The following TRABD2B variants were observed in gnomAD, a reference collection of about 807,000 sequenced individuals.
TRABD2B encodes metalloprotease TIKI2.
TRABD2B carries 14 observed loss-of-function variants against 40.1 expected under a neutral mutation model. The observed-to-expected ratio is 0.35, with a 90% CI of 0.23 to 0.55. The LOEUF (loss-of-function observed/expected upper bound fraction) is 0.55, where lower values mean the gene tolerates loss of function less well. Among genes scored for constraint, TRABD2B ranks in the 20% least tolerant of loss-of-function variants. TRABD2B has a pLI of 0.90. For synonymous variants in TRABD2B, 263 were observed against 277.0 expected (o/e 0.95, Z 0.50); for missense variants, 541 against 648.6 (o/e 0.83, Z 1.80).
intron 2 of TRABD2B, among the ~76,000 whole-genome samples, chr1:47,896,852 T>C (rs1463157668): frequency 6.6e-6 from 1 of 152,204 alleles, no homozygotes; most frequent in African/African-American, 2.4e-5. Flanking sequence ...TTATGAGGAT[T>C]AAGCAAGATA....
intron 4 of TRABD2B, among the ~76,000 whole-genome samples, chr1:47,794,246 T>C (rs892162914): frequency 6.6e-6 from 1 of 152,194 alleles, no homozygotes; most frequent in African/African-American, 2.4e-5. Context: ...ACAGCCTTGC[T>C]CCTGGCTCTG....
intron 2 of TRABD2B, among the ~76,000 whole-genome samples, chr1:47,935,876 A>C (rs554802434): frequency 6.6e-6 from 1 of 152,264 alleles, no homozygotes; most frequent in Non-Finnish European, 1.5e-5. Flanking sequence ...ACAGAAAAAA[A>C]GAGCTTCAAC....
intron 4 of TRABD2B, among the ~76,000 whole-genome samples, chr1:47,781,839 C>T (rs960664584): frequency 6.6e-6 from 1 of 152,212 alleles, no homozygotes; most frequent in African/African-American, 2.4e-5. Flanking sequence ...CCTCTCTGGG[C>T]TTGGTTTCAC....
rs1570438587 is a variant in TRABD2B at position 47,996,570 on chromosome 1, G to A, written c.102+118C>T. Reference sequence around the variant, plus strand: ...GGAAGGGCGCCCGAGGCTGCGCCCGGGGGGTGGAGGTGGAGCGGGCGGGCT... The same window carrying A: ...GGAAGGGCGCCCGAGGCTGCGCCCGAGGGGTGGAGGTGGAGCGGGCGGGCT... On this transcript the variant is annotated intron_variant, in intron 1 of 6. Coordinates refer to ENST00000606738, the MANE Select transcript of TRABD2B (RefSeq NM_001194986.2). The surrounding 1 kb of genome is among the most constrained non-coding windows in gnomAD (Gnocchi z 4.6). The A allele has an allele frequency of 3.6e-6, 4 of 1,124,484 alleles. No individual in the cohort carries two copies. The highest frequency in any genetic ancestry group is 4.4e-6 in the Non-Finnish European group (4 of 905,574). 69.7% of individuals were successfully genotyped at this position (1,124,484 alleles called of 1,614,324 possible).
At chr1:47,858,123 T>C (rs957525241) in intron 2 of TRABD2B, among the ~76,000 whole-genome samples, 6 of 152,144 alleles carry the variant, frequency 3.9e-5, no homozygotes, top group Non-Finnish European at 7.3e-5. Context: ...AGAAACAGCA[T>C]ATACAGGGTT....
At chr1:47,886,950 G>A (rs567308025) in intron 2 of TRABD2B, among the ~76,000 whole-genome samples, 2 of 152,046 alleles carry the variant, frequency 1.3e-5, no homozygotes, top group Non-Finnish European at 2.9e-5. Context: ...ACAGTTTTGA[G>A]AACATGGAAG....
At chr1:47,910,782 T>C (rs1644752836) in intron 2 of TRABD2B, among the ~76,000 whole-genome samples, 1 of 152,202 alleles carries the variant, frequency 6.6e-6, no homozygotes, top group South Asian at 2.1e-4. Flanking sequence ...TACCTGCATG[T>C]CGATTCTCTC....
At chr1:47,955,270 T>C (rs1385011350) in intron 2 of TRABD2B, among the ~76,000 whole-genome samples, 1 of 152,132 alleles carries the variant, frequency 6.6e-6, no homozygotes, top group East Asian at 1.9e-4. Context: ...AAGAACCTTC[T>C]CCCGCTGTTT....
chr1:47,908,037 C>T (rs1452614001), intron 2 of TRABD2B, among the ~76,000 whole-genome samples: 1 of 152,108 alleles, frequency 6.6e-6, no homozygotes, highest in East Asian at 1.9e-4. Context: ...TCCCATGAAA[C>T]TGTGGAAACC....
intron 2 of TRABD2B, among the ~76,000 whole-genome samples, chr1:47,954,360 A>G (rs2148390528): frequency 6.6e-6 from 1 of 152,252 alleles, no homozygotes; most frequent in Admixed American, 6.5e-5. Context: ...CAATGGGCTG[A>G]TATCCATTTG....
At chr1:47,888,477 CCTGTGGTCCTCTGGTCAAAAAAGCA>C (rs1644403158) in intron 2 of TRABD2B, among the ~76,000 whole-genome samples, 1 of 152,156 alleles carries the variant, frequency 6.6e-6, no homozygotes, top group African/African-American at 2.4e-5. Context: ...AGAGGAGGAG[CCTGTGGTCCTCTGGTCAAAAAAGCA>C]CCAGTCACCT....
At chr1:47,893,542 T>A (rs945397887) in intron 2 of TRABD2B, among the ~76,000 whole-genome samples, 2 of 152,242 alleles carry the variant, frequency 1.3e-5, no homozygotes, top group Admixed American at 1.3e-4. Flanking sequence ...CTGGTGTAGG[T>A]TCTCTTTACA....
intron 2 of TRABD2B, among the ~76,000 whole-genome samples, chr1:47,817,823 G>C (rs959645338): frequency 1.3e-5 from 2 of 152,188 alleles, no homozygotes; most frequent in Non-Finnish European, 2.9e-5. Flanking sequence ...GTCCAGAGCC[G>C]CTCTCAGGGG....
At chr1:47,801,713 C>A in intron 2 of TRABD2B, 94 bp from the exon 3 acceptor site, 1 of 1,420,116 alleles carries the variant, frequency 7.0e-7, no homozygotes, top group Admixed American at 2.3e-5. Context: ...TTCAGAGCAA[C>A]AGGCCTGAAA....
At chr1:47,776,645 CAT>C (rs1371569709) in intron 5 of TRABD2B, among the ~76,000 whole-genome samples, 4 of 152,324 alleles carry the variant, frequency 2.6e-5, no homozygotes, top group Non-Finnish European at 4.4e-5. Flanking sequence ...GTTTTAGGGA[CAT>C]GTGATCCTGG....
intron 2 of TRABD2B, among the ~76,000 whole-genome samples, chr1:47,989,428 G>A (rs1164196828): frequency 6.6e-6 from 1 of 152,164 alleles, no homozygotes; most frequent in East Asian, 1.9e-4. Context: ...GCTCCCAATA[G>A]TTACTCAGCA....
At chr1:47,873,983 T>C (rs1211701870) in intron 2 of TRABD2B, among the ~76,000 whole-genome samples, 1 of 152,242 alleles carries the variant, frequency 6.6e-6, no homozygotes, top group Non-Finnish European at 1.5e-5. Context: ...GAGAACTTGC[T>C]GTCACTTGCC....
intron 2 of TRABD2B, among the ~76,000 whole-genome samples, chr1:47,942,388 CA>C (rs35968910): frequency 0.49 from 74,567 of 151,988 alleles, 19,239 homozygotes; most frequent in Middle Eastern, 0.62. Context: ...AGGGGACGAT[CA>C]GGGGAGGCAG....
intron 2 of TRABD2B, among the ~76,000 whole-genome samples, chr1:47,887,615 T>C (rs1644388031): frequency 6.6e-6 from 1 of 152,230 alleles, no homozygotes; most frequent in East Asian, 1.9e-4. Flanking sequence ...ACAAAGCCAA[T>C]GAACAGTCTT....
Sources: gnomAD v4.1 joint callset for allele counts (sites outside exome capture counted in the v4.1 genomes callset) on GRCh38, gnomAD v4.1.1 for gene constraint, Gnocchi (gnomAD v3.1) non-coding constraint, MANE v1.5 for transcripts, NCBI Gene and HGNC (gene_info 2026-07-23, HGNC 2026-07-21) for gene names.